The following KIRREL3 variants were observed in gnomAD, a reference collection of about 807,000 sequenced individuals.
The protein encoded by KIRREL3 is kirre like nephrin family adhesion molecule 3, also known as kin of IRRE-like protein 3.
A neutral mutation model predicts 89.7 loss-of-function variants in KIRREL3; 36 were observed. The observed-to-expected ratio is 0.40, with a 90% CI of 0.31 to 0.53. KIRREL3 has a LOEUF of 0.53. KIRREL3 is among the 20% of genes least tolerant of loss of function. The pLI, the probability that KIRREL3 is intolerant of heterozygous loss-of-function variation, is 0.49. For missense variants in KIRREL3, 864 were observed against 1,056.6 expected, an observed-to-expected ratio of 0.82 and a Z score of 2.53; for synonymous variants, 445 against 441.4, an observed-to-expected ratio of 1.01 and a Z score of -0.10.
intron 1 of KIRREL3, among the ~76,000 whole-genome samples, chr11:126,975,766 G>A (rs1484572512): frequency 6.6e-6 from 1 of 152,126 alleles, no homozygotes; most frequent in Non-Finnish European, 1.5e-5. Context: ...CACCCCAGTT[G>A]ATTCTCATGC....
At chr11:126,935,874 A>G (rs1222336759) in intron 1 of KIRREL3, 2 of 152,116 alleles carry the variant, frequency 1.3e-5, no homozygotes, top group African/African-American at 4.8e-5. Context: ...GTTAATTATA[A>G]ACTTCGGGTG....
At chr11:126,678,599 CAAAAA>C (rs59342253) in intron 1 of KIRREL3, among the ~76,000 whole-genome samples, 15 of 50,044 alleles carry the variant, frequency 3.0e-4, no homozygotes, top group Admixed American at 1.4e-3. Context: ...GACTCTGTCT[CAAAAA>C]AAAAAAAAAA....
At chr11:126,457,681 A>T (rs1478069403) in intron 6 of KIRREL3, among the ~76,000 whole-genome samples, 1 of 152,142 alleles carries the variant, frequency 6.6e-6, no homozygotes, top group African/African-American at 2.4e-5. Context: ...AGAGTGATGG[A>T]GAGATGGAGA....
chr11:126,506,532 T>C (rs987980510), intron 4 of KIRREL3, among the ~76,000 whole-genome samples: 1 of 152,178 alleles, frequency 6.6e-6, no homozygotes, highest in East Asian at 1.9e-4. Flanking sequence ...GGAATGCAAA[T>C]TAAAACCATA....
At chr11:126,741,488 C>T (rs773405159) in intron 1 of KIRREL3, among the ~76,000 whole-genome samples, 3 of 152,076 alleles carry the variant, frequency 2.0e-5, no homozygotes, top group Non-Finnish European at 2.9e-5. Context: ...TTGAGGGTGA[C>T]AAGGAATGAT....
chr11:126,659,288 G>T (rs1945289081), intron 1 of KIRREL3, among the ~76,000 whole-genome samples: 1 of 152,212 alleles, frequency 6.6e-6, no homozygotes, highest in Admixed American at 6.5e-5. Context: ...CAAAATGAGA[G>T]TGACACCTCA....
At position 126,906,658 on chromosome 11, in the gene KIRREL3, A is replaced by C. The variant is rs1017802670; in HGVS notation, c.55+93797T>G. ...TGTATGGGAACATTATATTCACCAA[A>C]AATCAGGACTAGCATTAAACCCAGA... On this transcript the variant is annotated intron_variant, in intron 1 of 16. Coordinates refer to ENST00000525144, the MANE Select transcript of KIRREL3 (RefSeq NM_032531.4). This position sits in a 1 kb window ranked among gnomAD's most constrained non-coding sequence, Gnocchi z 4.1. Among the ~76,000 whole-genome samples the C allele has an allele frequency of 3.3e-5, 5 of 152,148 alleles. No homozygotes were observed. The highest frequency in any genetic ancestry group is 1.2e-4 in the African/African-American group (5 of 41,428).
At chr11:126,514,165 A>T (rs1958327159) in intron 4 of KIRREL3, among the ~76,000 whole-genome samples, 1 of 152,084 alleles carries the variant, frequency 6.6e-6, no homozygotes, top group Non-Finnish European at 1.5e-5. Flanking sequence ...TAGCTCCGAC[A>T]CAGCTCCCAT....
chr11:126,611,836 G>A lies in KIRREL3; in HGVS notation c.56-48924C>T, dbSNP rs1205377993. Reference sequence around the variant, plus strand: ...ATCACACCTTGGCTGGACCCATCAGGCTGGAACACCAGATTCTTAATCAAC... The same window carrying A: ...ATCACACCTTGGCTGGACCCATCAGACTGGAACACCAGATTCTTAATCAAC... On this transcript the variant is annotated intron_variant, in intron 1 of 16. Coordinates refer to ENST00000525144, the MANE Select transcript of KIRREL3 (RefSeq NM_032531.4). This position sits in a 1 kb window ranked among gnomAD's most constrained non-coding sequence, Gnocchi z 4.7. Among the ~76,000 whole-genome samples the A allele has an allele frequency of 6.6e-6, 1 of 152,208 alleles. No individual in the cohort carries two copies. The highest frequency in any genetic ancestry group is 1.5e-5 in the Non-Finnish European group (1 of 68,034).
rs887264716 is a variant in KIRREL3, at chr11:126,983,799, G to C, written c.55+16656C>G. Among the ~76,000 whole-genome samples the C allele has an allele frequency of 6.6e-6, 1 of 152,098 alleles. No homozygotes were observed. Among genetic ancestry groups the C allele is most frequent in the African/African-American group, 2.4e-5 (1 of 41,412 alleles). On this transcript the variant is annotated intron_variant, in intron 1 of 16. Coordinates refer to ENST00000525144, the MANE Select transcript of KIRREL3 (RefSeq NM_032531.4). This position sits in a 1 kb window ranked among gnomAD's most constrained non-coding sequence, Gnocchi z 4.9. ...CATTTGTGTTGTTTTAAGCCACTACGTCTGTGGTAACATGTTAACAGCAGC... is the reference window on the plus strand; with the variant it reads ...CATTTGTGTTGTTTTAAGCCACTACCTCTGTGGTAACATGTTAACAGCAGC...
chr11:126,917,802 C>T lies in KIRREL3; in HGVS notation c.55+82653G>A, dbSNP rs1184727340. On this transcript the variant is annotated intron_variant, in intron 1 of 16. Transcript: ENST00000525144. The surrounding 1 kb of genome is among the most constrained non-coding windows in gnomAD (Gnocchi z 5.0). ...ACTCCACTCATTGTCTAACCTTAGG[C>T]ATGGACTTTAGAATTGAGGTGGCGT... Among the ~76,000 whole-genome samples, 2 of 152,178 alleles carry T rather than the reference C, an allele frequency of 1.3e-5. No individual in the cohort carries two copies. Among genetic ancestry groups the T allele is most frequent in the Non-Finnish European group, 2.9e-5 (2 of 68,032 alleles).
At chr11:126,831,881 G>T (rs1433889532) in intron 1 of KIRREL3, among the ~76,000 whole-genome samples, 1 of 152,116 alleles carries the variant, frequency 6.6e-6, no homozygotes, top group Non-Finnish European at 1.5e-5. Flanking sequence ...TGAGCATTTG[G>T]AATGTCTCAT....
chr11:126,626,837 G>GT (rs1943807217), intron 1 of KIRREL3, among the ~76,000 whole-genome samples: 2 of 152,014 alleles, frequency 1.3e-5, no homozygotes. Context: ...TTCACCCCAT[G>GT]TTTCTACTAA....
Position 126,645,461 on chromosome 11 carries a change from C to T in KIRREL3, c.56-82549G>A, listed in dbSNP as rs1330321413. Among the ~76,000 whole-genome samples, 12 of 152,100 alleles carry T rather than the reference C, an allele frequency of 7.9e-5. 1 individual carries two copies. Among genetic ancestry groups the T allele is most frequent in the Admixed American group, 4.6e-4 (7 of 15,274 alleles). Reference sequence around the variant, plus strand: ...GCCTCTCAGGCTACAGGGTACCCTGCATTATGCAGACTGAGAGCTCTAGAA... The same window carrying T: ...GCCTCTCAGGCTACAGGGTACCCTGTATTATGCAGACTGAGAGCTCTAGAA... On this transcript the variant is annotated intron_variant, in intron 1 of 16. Transcript: ENST00000525144. This position sits in a 1 kb window ranked among gnomAD's most constrained non-coding sequence, Gnocchi z 4.9.
At position 126,697,946 on chromosome 11, in the gene KIRREL3, G is replaced by A. The variant is rs759315857; in HGVS notation, c.56-135034C>T. Among the ~76,000 whole-genome samples the A allele has an allele frequency of 4.6e-5, 7 of 152,198 alleles. No individual in the cohort carries two copies. The highest frequency in any genetic ancestry group is 1.0e-4 in the Non-Finnish European group (7 of 68,030). On this transcript the variant is annotated intron_variant, in intron 1 of 16. Transcript: ENST00000525144. This position sits in a 1 kb window ranked among gnomAD's most constrained non-coding sequence, Gnocchi z 4.2. ...AGAGAGCCAGGGAGGCTCAGAGACT[G>A]AGCAAGTGCCAAGAAGGGAAGATGA...
In KIRREL3 at chr11:126,475,637, G is replaced by C. The variant is rs377422534; in HGVS notation, c.434-2171C>G. Reference sequence around the variant, plus strand: ...CTGCCTGGCCCTGGGCTCTTGAGCCGGGAGGAAGCAGGCATGAATGGGATG... The same window carrying C: ...CTGCCTGGCCCTGGGCTCTTGAGCCCGGAGGAAGCAGGCATGAATGGGATG... On this transcript the variant is annotated intron_variant, in intron 4 of 16. Transcript: ENST00000525144. The surrounding 1 kb of genome is among the most constrained non-coding windows in gnomAD (Gnocchi z 7.5). Among the ~76,000 whole-genome samples the C allele has an allele frequency of 6.6e-6, 1 of 152,078 alleles. No individual in the cohort carries two copies. Among genetic ancestry groups the C allele is most frequent in the African/African-American group, 2.4e-5 (1 of 41,406 alleles).
At chr11:126,545,966 A>C (rs1021895198) in intron 2 of KIRREL3, among the ~76,000 whole-genome samples, 1 of 152,196 alleles carries the variant, frequency 6.6e-6, no homozygotes, top group Non-Finnish European at 1.5e-5. Context: ...GGCTTTGGGC[A>C]AGTTATTTGT....
Position 126,759,279 on chromosome 11 carries a change from G to A in KIRREL3, c.56-196367C>T, listed in dbSNP as rs553102894. 1.1e-4 allele frequency among the ~76,000 whole-genome samples: 17 copies of A among 152,176 alleles called. No individual in the cohort carries two copies. In the East Asian group the frequency reaches 2.3e-3, roughly 21 times the overall value. On this transcript the variant is annotated intron_variant, in intron 1 of 16. Coordinates refer to ENST00000525144, the MANE Select transcript of KIRREL3 (RefSeq NM_032531.4). Reference sequence around the variant, plus strand: ...GGAGTAGCTGGGATTACAGGCACCCGCCACCATGCCTGGCTAATCTTTGTA... The same window carrying A: ...GGAGTAGCTGGGATTACAGGCACCCACCACCATGCCTGGCTAATCTTTGTA...
chr11:126,831,157 T>C (rs937353544), intron 1 of KIRREL3, among the ~76,000 whole-genome samples: 1 of 152,200 alleles, frequency 6.6e-6, no homozygotes, highest in Non-Finnish European at 1.5e-5. Flanking sequence ...TTCAGGATGT[T>C]GGGTAAGTAT....
Sources: allele counts gnomAD v4.1 joint callset (sites outside exome capture counted in the v4.1 genomes callset), GRCh38; gene constraint gnomAD v4.1.1; non-coding constraint Gnocchi (gnomAD v3.1); transcripts MANE v1.5; gene names NCBI Gene and HGNC (gene_info 2026-07-23, HGNC 2026-07-21).